Variants in AOAH observed in about 807,000 individuals in gnomAD.
AOAH encodes acyloxyacyl hydrolase, also known as acyloxyacyl hydrolase (neutrophil).
AOAH carries 64 observed loss-of-function variants against 92.2 expected under a neutral mutation model. The ratio of observed to expected loss-of-function variants is 0.69; its 90% CI spans 0.57 to 0.86. AOAH has a LOEUF of 0.86. Among genes scored for constraint, AOAH ranks in the 40% least tolerant of loss-of-function variants. The probability of loss-of-function intolerance (pLI) is 0.00; values close to 1 mark genes in which losing one functional copy is unlikely to be tolerated. For missense variants in AOAH, 656 were observed against 694.6 expected, an observed-to-expected ratio of 0.94 and a Z score of 0.62; for synonymous variants, 263 against 254.5, an observed-to-expected ratio of 1.03 and a Z score of -0.32.
intron 20 of AOAH, among the ~76,000 whole-genome samples, chr7:36,514,263 C>T (rs1012563676): frequency 6.7e-6 from 1 of 149,736 alleles, no homozygotes; most frequent in African/African-American, 2.5e-5. Flanking sequence ...GAGGACACGG[C>T]GTGTGCAAAG....
At chr7:36,571,312 A>AT (rs1240847544) in intron 13 of AOAH, among the ~76,000 whole-genome samples, 2 of 152,016 alleles carry the variant, frequency 1.3e-5, no homozygotes, top group East Asian at 1.9e-4. Flanking sequence ...AAGGGAGGGC[A>AT]TTTTTTGCTA....
intron 2 of AOAH, among the ~76,000 whole-genome samples, chr7:36,678,405 G>GA: frequency 6.6e-6 from 1 of 152,314 alleles, no homozygotes; most frequent in South Asian, 2.1e-4. Flanking sequence ...AGGAGCTTTG[G>GA]AAAAAAGTTA....
At chr7:36,673,427 C>A (rs1269013587) in intron 3 of AOAH, among the ~76,000 whole-genome samples, 1 of 152,178 alleles carries the variant, frequency 6.6e-6, no homozygotes, top group Non-Finnish European at 1.5e-5. Flanking sequence ...GTAATCCCAG[C>A]CTCTTAGGCT....
chr7:36,536,523 A>G (rs1348496649), intron 16 of AOAH, among the ~76,000 whole-genome samples: 1 of 152,002 alleles, frequency 6.6e-6, no homozygotes, highest in Non-Finnish European at 1.5e-5. Flanking sequence ...CCCAGCATGA[A>G]CCCTGCTTCA....
intron 16 of AOAH, among the ~76,000 whole-genome samples, chr7:36,532,813 C>A (rs534451833): frequency 6.6e-6 from 1 of 152,062 alleles, no homozygotes; most frequent in South Asian, 2.1e-4. Flanking sequence ...CAGGTCTGAC[C>A]GAATTATCCC....
At chr7:36,676,393 A>G (rs996731707) in intron 2 of AOAH, among the ~76,000 whole-genome samples, 1 of 152,224 alleles carries the variant, frequency 6.6e-6, no homozygotes, top group Non-Finnish European at 1.5e-5. Context: ...TCTTAGGAAC[A>G]AACTTAACCA....
chr7:36,569,567 ATATCTATCTATC>A lies in AOAH; in HGVS notation c.1021+6995_1021+7006del, dbSNP rs56357618. On this transcript the variant is annotated intron_variant, in intron 13 of 20. Transcript: ENST00000617537. ...ATATATATAAAACTACCAGATTTAC[ATATCTATCTATC>A]TATCTATCTATCTATCTATCTATCT... Among the ~76,000 whole-genome samples, 992 of 143,394 alleles carry A rather than the reference ATATCTATCTATC, an allele frequency of 6.9e-3. 2 individuals carry two copies. Among genetic ancestry groups the A allele is most frequent in the South Asian group, 0.011 (46 of 4,342 alleles). The allele number at this position is 143,394 out of a possible 152,430, so 94.1% of individuals were successfully genotyped here.
At chr7:36,554,233 A>C (rs908857951) in intron 13 of AOAH, among the ~76,000 whole-genome samples, 6 of 152,188 alleles carry the variant, frequency 3.9e-5, no homozygotes, top group African/African-American at 1.4e-4. Flanking sequence ...CCATTTATTA[A>C]ATAGGGAGTC....
At chr7:36,684,906 C>CAAAAAAAAAAAAAAAAAAAAAAAAA (rs57827044) in intron 2 of AOAH, among the ~76,000 whole-genome samples, 2 of 60,012 alleles carry the variant, frequency 3.3e-5, no homozygotes, top group Non-Finnish European at 2.9e-5. Context: ...GACCTTGTCT[C>CAAAAAAAAAAAAAAAAAAAAAAAAA]AAAAAAAAAA....
intron 9 of AOAH, among the ~76,000 whole-genome samples, chr7:36,619,955 C>T (rs546653331): frequency 6.6e-6 from 1 of 152,110 alleles, no homozygotes; most frequent in South Asian, 2.1e-4. Context: ...CCATCACAGC[C>T]CCTGCCCATG....
chr7:36,523,997 C>A (rs1367290952), intron 19 of AOAH, among the ~76,000 whole-genome samples: 2 of 152,002 alleles, frequency 1.3e-5, no homozygotes, highest in African/African-American at 2.4e-5. Context: ...AAATCAGCAA[C>A]GATGCAGAAA....
At chr7:36,678,611 G>A (rs1456012504) in intron 2 of AOAH, among the ~76,000 whole-genome samples, 2 of 144,812 alleles carry the variant, frequency 1.4e-5, no homozygotes, top group African/African-American at 5.4e-5. Context: ...GCGCGCGCGC[G>A]CGCGTTAGAA....
intron 1 of AOAH, among the ~76,000 whole-genome samples, chr7:36,696,350 T>A (rs1453072717): frequency 6.6e-6 from 1 of 152,222 alleles, no homozygotes; most frequent in Non-Finnish European, 1.5e-5. Context: ...GTTTAATCTA[T>A]AGATCAATTT....
intron 20 of AOAH, among the ~76,000 whole-genome samples, 155 bp from the exon 21 acceptor site, chr7:36,513,535 G>T (rs533233456): frequency 1.3e-5 from 2 of 152,204 alleles, no homozygotes; most frequent in African/African-American, 2.4e-5. Flanking sequence ...CCTTGCTGGC[G>T]GTGGGACCTA....
At chr7:36,594,036 A>G (rs1487257947) in intron 12 of AOAH, among the ~76,000 whole-genome samples, 2 of 151,300 alleles carry the variant, frequency 1.3e-5, no homozygotes, top group African/African-American at 4.9e-5. Context: ...TTCTGAGAAC[A>G]AATAAGTAAA....
chr7:36,723,744 AAT>A (rs1192410976), intron 1 of AOAH, among the ~76,000 whole-genome samples: 1 of 152,222 alleles, frequency 6.6e-6, no homozygotes, highest in Admixed American at 6.5e-5. Flanking sequence ...AGCCTGAAAT[AAT>A]AGTTACCTAT....
At chr7:36,615,825 C>A (rs572386104) in intron 11 of AOAH, among the ~76,000 whole-genome samples, 92 of 152,198 alleles carry the variant, frequency 6.0e-4, no homozygotes, top group African/African-American at 2.2e-3. Context: ...GTTGGTTTCC[C>A]TCCCCTTTCT....
chr7:36,606,852 G>T (rs2718180), intron 11 of AOAH, among the ~76,000 whole-genome samples: 110,964 of 152,092 alleles, frequency 0.73, 40,908 homozygotes, highest in African/African-American at 0.83. Flanking sequence ...TTCTTGTGGC[G>T]TGAGAAGGTC....
chr7:36,678,592 TGTGTGTGTGCGCGC>T (rs1457645629), intron 2 of AOAH, among the ~76,000 whole-genome samples: 1 of 108,280 alleles, frequency 9.2e-6, no homozygotes, highest in African/African-American at 5.4e-5. Flanking sequence ...TGTGTGTGTG[TGTGTGTGTGCGCGC>T]GCGCGCGCGT....
Sources: allele counts gnomAD v4.1 joint callset (sites outside exome capture counted in the v4.1 genomes callset), GRCh38; gene constraint gnomAD v4.1.1; transcripts MANE v1.5; gene names NCBI Gene and HGNC (gene_info 2026-07-23, HGNC 2026-07-21).